PRRG1: variants seen among roughly 807,000 people sequenced by gnomAD.
PRRG1 encodes the protein proline rich and Gla domain 1.
A neutral mutation model predicts 11.8 loss-of-function variants in PRRG1; 5 were observed. The observed-to-expected ratio is 0.42, with a 90% CI of 0.22 to 0.89. The LOEUF (loss-of-function observed/expected upper bound fraction) is 0.89, where lower values mean the gene tolerates loss of function less well. PRRG1 is among the 40% of genes least tolerant of loss of function. The pLI is 0.28. For missense variants in PRRG1, 155 were observed against 166.1 expected (o/e 0.93, Z 0.37); for synonymous variants, 66 against 60.4 (o/e 1.09, Z -0.43).
chrX:37,369,841 T>C (rs1930706831), intron 1 of PRRG1, among the ~76,000 whole-genome samples: 1 of 111,819 alleles, frequency 8.9e-6, no homozygotes, highest in Non-Finnish European at 1.9e-5. Context: ...GCAGTTTCCC[T>C]GCACATGCTC....
At chrX:37,363,192 G>T (rs902539006) in intron 1 of PRRG1, among the ~76,000 whole-genome samples, 1 of 111,788 alleles carries the variant, frequency 8.9e-6, no homozygotes, top group Non-Finnish European at 1.9e-5. Context: ...CACTTTGGAG[G>T]TATACAGTAG....
intron 3 of PRRG1, among the ~76,000 whole-genome samples, chrX:37,430,900 CCTA>C (rs1932821383): frequency 1.8e-5 from 2 of 112,020 alleles, no homozygotes; most frequent in South Asian, 7.5e-4. Flanking sequence ...AATAGTCACA[CCTA>C]CTATCTTCCA....
At chrX:37,412,812 C>G (rs1466513644) in intron 2 of PRRG1, among the ~76,000 whole-genome samples, 1 of 110,735 alleles carries the variant, frequency 9.0e-6, no homozygotes, top group Non-Finnish European at 1.9e-5. Context: ...AGAAAATAAC[C>G]TTTGGCACAT....
chrX:37,415,696 T>C (rs1556385036), intron 2 of PRRG1, among the ~76,000 whole-genome samples: 1 of 112,017 alleles, frequency 8.9e-6, no homozygotes, highest in Non-Finnish European at 1.9e-5. Flanking sequence ...TTAGGCCGAA[T>C]TTTGCTATAC....
rs145751381 is a variant in PRRG1 at position 37,453,364 on chromosome X, C to G, written c.400C>G (p.Pro134Ala). Residue 134 changes from proline to alanine, a missense_variant, in exon 4 of 4, where the codon CCA becomes GCA. By Grantham distance (27) the Pro-to-Ala change is conservative. Transcript: ENST00000378628. ...CCTTAATATTATCACCCCACCCCCC[C>G]CACCAGATGAAGTGTTTGACAGCAG... ...QHLNIITPPP[P>A]PDEVFDSSGL... 1,542 of 1,206,834 alleles carry G rather than the reference C, an allele frequency of 1.3e-3. 2 individuals carry two copies. The highest frequency in any genetic ancestry group is 4.7e-3 in the South Asian group (265 of 56,545).
At chrX:37,356,756 T>A (rs961874113) in intron 1 of PRRG1, among the ~76,000 whole-genome samples, 8 of 111,230 alleles carry the variant, frequency 7.2e-5, no homozygotes, top group African/African-American at 2.6e-4. Context: ...CTTTAGTTTT[T>A]TAGAGCAGTG....
At chrX:37,415,086 A>G (rs782327074) in intron 2 of PRRG1, among the ~76,000 whole-genome samples, 1 of 112,178 alleles carries the variant, frequency 8.9e-6, no homozygotes, top group African/African-American at 3.2e-5. Flanking sequence ...TAAAGCATCT[A>G]GATCGTATAT....
chrX:37,409,159 G>A (rs1452800301), intron 2 of PRRG1, among the ~76,000 whole-genome samples: 1 of 111,682 alleles, frequency 9.0e-6, no homozygotes, highest in Admixed American at 9.5e-5. Flanking sequence ...TATGCTATGT[G>A]TATTACATAC....
At chrX:37,443,694 A>G (rs1286309814) in intron 3 of PRRG1, among the ~76,000 whole-genome samples, 1 of 111,753 alleles carries the variant, frequency 8.9e-6, no homozygotes, top group Admixed American at 9.5e-5. Flanking sequence ...TCCTTTCTAG[A>G]TGTGGAGAAG....
chrX:37,452,365 C>T (rs1265348543), intron 3 of PRRG1, among the ~76,000 whole-genome samples: 1 of 111,784 alleles, frequency 8.9e-6, no homozygotes, highest in African/African-American at 3.3e-5. Flanking sequence ...GAAACTGAGG[C>T]CTAAAGGAGT....
chrX:37,360,330 T>C (rs1395165547), intron 1 of PRRG1, among the ~76,000 whole-genome samples: 1 of 112,310 alleles, frequency 8.9e-6, no homozygotes, highest in African/African-American at 3.2e-5. Flanking sequence ...ATCCCACAAA[T>C]TGTGACAAGT....
chrX:37,380,903 T>C (rs1556373615), intron 1 of PRRG1, among the ~76,000 whole-genome samples: 2 of 111,682 alleles, frequency 1.8e-5, no homozygotes, highest in African/African-American at 6.5e-5. Context: ...GCTGCACTGA[T>C]TCTGTAAACC....
chrX:37,403,763 A>G, intron 1 of PRRG1: 6 of 753,769 alleles, frequency 8.0e-6, no homozygotes, highest in Non-Finnish European at 9.4e-6. Context: ...TCATTCCATC[A>G]GAAGAAGCAA....
At chrX:37,419,496 T>C (rs1932598833) in intron 2 of PRRG1, among the ~76,000 whole-genome samples, 1 of 112,147 alleles carries the variant, frequency 8.9e-6, no homozygotes, top group South Asian at 3.7e-4. Context: ...TAAAAGTATA[T>C]TGTAGCAACT....
At chrX:37,433,749 G>A (rs1245459462) in intron 3 of PRRG1, among the ~76,000 whole-genome samples, 1 of 111,740 alleles carries the variant, frequency 8.9e-6, no homozygotes, top group Non-Finnish European at 1.9e-5. Flanking sequence ...AAATCACAAA[G>A]TAAATTTAGT....
intron 1 of PRRG1, among the ~76,000 whole-genome samples, chrX:37,354,176 T>C (rs1930159922): frequency 9.0e-6 from 1 of 110,953 alleles, no homozygotes; most frequent in African/African-American, 3.3e-5. Context: ...TTGTGATGTC[T>C]AGGATAGAGT....
chrX:37,449,769 C>T (rs1332120605), intron 3 of PRRG1, among the ~76,000 whole-genome samples: 1 of 112,607 alleles, frequency 8.9e-6, no homozygotes, highest in Non-Finnish European at 1.9e-5. Context: ...TGTTTAGGCA[C>T]ATACATTTGT....
At chrX:37,362,045 T>C (rs886831560) in intron 1 of PRRG1, among the ~76,000 whole-genome samples, 1 of 112,228 alleles carries the variant, frequency 8.9e-6, no homozygotes, top group East Asian at 2.8e-4. Flanking sequence ...TGTAATTTTA[T>C]CCTGCTTCAG....
At chrX:37,442,782 T>C (rs1346042094) in intron 3 of PRRG1, among the ~76,000 whole-genome samples, 1 of 111,342 alleles carries the variant, frequency 9.0e-6, no homozygotes, top group Admixed American at 9.5e-5. Context: ...GTGACAGTGA[T>C]AATGGGACTG....
Sources: allele counts gnomAD v4.1 joint callset (sites outside exome capture counted in the v4.1 genomes callset), GRCh38; gene constraint gnomAD v4.1.1; transcripts MANE v1.5; gene names NCBI Gene and HGNC (gene_info 2026-07-23, HGNC 2026-07-21).